CHST10: variants seen among roughly 807,000 people sequenced by gnomAD.
The protein encoded by CHST10 is carbohydrate sulfotransferase 10.
In CHST10, 24 loss-of-function variants were observed where a neutral mutation model predicts 34.7. The observed-to-expected ratio is 0.69, with a 90% CI of 0.50 to 0.97. CHST10 has a LOEUF of 0.97. Ranked by LOEUF, CHST10 falls within the 50% of genes least tolerant of loss-of-function variation. The probability of loss-of-function intolerance (pLI) is 0.00; values close to 1 mark genes in which losing one functional copy is unlikely to be tolerated. For missense variants in CHST10, 402 were observed against 452.1 expected, an observed-to-expected ratio of 0.89 and a Z score of 1.00; for synonymous variants, 161 against 169.3, an observed-to-expected ratio of 0.95 and a Z score of 0.38.
chr2:100,397,533 G>A (rs1306852548), intron 5 of CHST10, among the ~76,000 whole-genome samples: 2 of 152,214 alleles, frequency 1.3e-5, no homozygotes, highest in African/African-American at 2.4e-5. Context: ...GCTTCCTGGT[G>A]GCTCTGCGAG....
At chr2:100,412,105 A>C (rs1301222184) in intron 2 of CHST10, among the ~76,000 whole-genome samples, 1 of 152,178 alleles carries the variant, frequency 6.6e-6, no homozygotes, top group Admixed American at 6.6e-5. Flanking sequence ...TTAAATTTTG[A>C]AACAGTTTCT....
chr2:100,417,510 C>T lies in CHST10; in HGVS notation c.-240G>A, dbSNP rs1371581851. On this transcript the variant is annotated 5_prime_UTR_variant, in exon 1 of 7. Transcript: ENST00000264249. ...CTCGGGAGGCCCGCCCCACCTTGCCCCGAGGCCTCCGCGCCGCGGCCCGTC... is the reference window on the plus strand; with the variant it reads ...CTCGGGAGGCCCGCCCCACCTTGCCTCGAGGCCTCCGCGCCGCGGCCCGTC... The T allele has an allele frequency of 6.6e-6, 1 of 152,094 alleles. No individual in the cohort carries two copies. Among genetic ancestry groups the T allele is most frequent in the Non-Finnish European group, 1.5e-5 (1 of 68,086 alleles). The allele number at this position is 152,094 out of a possible 1,614,324, so 9.4% of individuals were successfully genotyped here. A position where few individuals can be genotyped will look rare whatever the true frequency, so the allele number is the denominator to read the frequency against.
Position 100,393,063 on chromosome 2 carries a change from C to T in CHST10, c.*182G>A, listed in dbSNP as rs1373108195. 1.6e-6 allele frequency: 1 copy of T among 640,030 alleles called. No individual in the cohort carries two copies. The highest frequency in any genetic ancestry group is 1.8e-5 in the African/African-American group (1 of 54,510). 39.6% of individuals were successfully genotyped at this position (640,030 alleles called of 1,614,324 possible). ...GCAGGGTCCTCAGAGCATCTTACATCCAAACTAAGTTGTAACAGTTGGGGT... is the reference window on the plus strand; with the variant it reads ...GCAGGGTCCTCAGAGCATCTTACATTCAAACTAAGTTGTAACAGTTGGGGT... On this transcript the variant is annotated 3_prime_UTR_variant, in exon 7 of 7. Coordinates refer to ENST00000264249, the MANE Select transcript of CHST10 (RefSeq NM_004854.5).
chr2:100,406,598 C>T lies in CHST10; in HGVS notation c.78G>A (p.Thr26=), dbSNP rs202231564. 8.7e-6 allele frequency: 14 copies of T among 1,614,068 alleles called. No individual in the cohort carries two copies. The highest frequency in any genetic ancestry group is 1.6e-4 in the Middle Eastern group (1 of 6,084). Reference sequence around the variant, plus strand: ...TACCATCTGGGTCTTTAAAGGTCAACGTGATGAACTTGCTAGCCACCATGA... The same window carrying T: ...TACCATCTGGGTCTTTAAAGGTCAATGTGATGAACTTGCTAGCCACCATGA... ...FMFMVASKFI[T]LTFKDPDVYS... is the part of the protein sequence containing the mutation. Residue 26 remains threonine, a synonymous_variant, in exon 3 of 7, where the codon ACG becomes ACA. Coordinates refer to ENST00000264249, the MANE Select transcript of CHST10 (RefSeq NM_004854.5).
chr2:100,399,466 A>AT (rs1228964568), intron 4 of CHST10, among the ~76,000 whole-genome samples: 3 of 152,326 alleles, frequency 2.0e-5, no homozygotes, highest in African/African-American at 7.2e-5. Context: ...ATCCTTCCAA[A>AT]TAATTGTATT....
At chr2:100,394,062 T>C (rs890029923) in intron 6 of CHST10, among the ~76,000 whole-genome samples, 2 of 152,220 alleles carry the variant, frequency 1.3e-5, no homozygotes, top group Non-Finnish European at 2.9e-5. Context: ...AAGACATCTA[T>C]TTAATCTACC....
At chr2:100,396,914 T>C (rs902603814) in intron 5 of CHST10, among the ~76,000 whole-genome samples, 1 of 152,208 alleles carries the variant, frequency 6.6e-6, no homozygotes, top group Non-Finnish European at 1.5e-5. Flanking sequence ...ATTCTGCTTC[T>C]GAAAACCCAA....
At chr2:100,398,583 A>AGC (rs1675184993) in intron 4 of CHST10, among the ~76,000 whole-genome samples, 1 of 152,136 alleles carries the variant, frequency 6.6e-6, no homozygotes, top group South Asian at 2.1e-4. Flanking sequence ...GCACACCTGT[A>AGC]ATCCCAGCTA....
At chr2:100,409,967 C>T (rs373009078) in intron 2 of CHST10, among the ~76,000 whole-genome samples, 44 of 152,078 alleles carry the variant, frequency 2.9e-4, no homozygotes, top group African/African-American at 1.0e-3. Context: ...TTCTTGTCCC[C>T]GGGATGGTAC....
intron 3 of CHST10, among the ~76,000 whole-genome samples, chr2:100,405,160 T>C (rs1184710204): frequency 1.3e-5 from 2 of 152,224 alleles, no homozygotes; most frequent in Admixed American, 1.3e-4. Context: ...GAGATCATCG[T>C]GTCACATTCC....
chr2:100,415,401 T>C (rs1188311296), intron 1 of CHST10, among the ~76,000 whole-genome samples: 1 of 152,230 alleles, frequency 6.6e-6, no homozygotes, highest in Non-Finnish European at 1.5e-5. Context: ...TATGCCTGTT[T>C]CGTATGTTTG....
chr2:100,406,526 C>T (rs753423604), intron 3 of CHST10, 50 bp downstream of exon 3: 2 of 1,606,394 alleles, frequency 1.2e-6, no homozygotes, highest in South Asian at 1.1e-5. Context: ...AACAGTGTTG[C>T]AGCTAGGTCT....
chr2:100,394,679 G>A (rs1435057118), intron 6 of CHST10, among the ~76,000 whole-genome samples: 2 of 151,774 alleles, frequency 1.3e-5, no homozygotes, highest in Non-Finnish European at 2.9e-5. Context: ...CCACCTGAGA[G>A]CTACTACATG....
rs13385800 is a variant in CHST10, at chr2:100,417,547, T to C, written c.-277A>G. The C allele has an allele frequency of 6.6e-6, 1 of 151,814 alleles. No homozygotes were observed. The highest frequency in any genetic ancestry group is 1.5e-5 in the Non-Finnish European group (1 of 67,958). The allele number at this position is 151,814 out of a possible 1,614,324, so 9.4% of individuals were successfully genotyped here. On this transcript the variant is annotated 5_prime_UTR_variant, in exon 1 of 7. Transcript: ENST00000264249. ...CGCCGCGGCCCGTCGGGTCCCGGGA[T>C]GTGGCGGCGGCGGCAGCGGAAGTAA...
chr2:100,417,069 A>C (rs1291015662), intron 1 of CHST10: 1 of 1,303,552 alleles, frequency 7.7e-7, no homozygotes, highest in Non-Finnish European at 1.0e-6. Context: ...TCCTCTCTCC[A>C]TCTACAATTA....
intron 3 of CHST10, 109 bp downstream of exon 3, chr2:100,406,467 T>G (rs1675577852): frequency 1.4e-6 from 2 of 1,385,400 alleles, no homozygotes; most frequent in Non-Finnish European, 2.0e-6. Flanking sequence ...CCTGCTGGCA[T>G]GAAAGTCCTT....
rs1403570058 is a variant in CHST10, at chr2:100,405,873, A to G, written c.100+703T>C. On this transcript the variant is annotated intron_variant, in intron 3 of 6. Coordinates refer to ENST00000264249, the MANE Select transcript of CHST10 (RefSeq NM_004854.5). ...GAGCATATCACACACCTCTTTGGAC[A>G]TATCCAGCACTCCACAGACCACAGA... Among the ~76,000 whole-genome samples the G allele has an allele frequency of 2.0e-5, 3 of 152,262 alleles. No individual in the cohort carries two copies. The East Asian group carries it at 5.8e-4, about 30-fold the overall frequency.
At chr2:100,411,248 C>T (rs1191313528) in intron 2 of CHST10, among the ~76,000 whole-genome samples, 1 of 151,640 alleles carries the variant, frequency 6.6e-6, no homozygotes, top group Admixed American at 6.6e-5. Flanking sequence ...TCCTGAGTGG[C>T]TGTGATTACA....
rs530808037 is a variant in CHST10 at position 100,392,907 on chromosome 2, C to T, written c.*338G>A. On this transcript the variant is annotated 3_prime_UTR_variant, in exon 7 of 7. Coordinates refer to ENST00000264249, the MANE Select transcript of CHST10 (RefSeq NM_004854.5). ...TCAGGGGCATCCCCTTCCTTAACAC[C>T]TGAAGGAAACGGCTCCTAACGCTGT... 3.6e-6 allele frequency: 1 copy of T among 277,402 alleles called. No individual in the cohort carries two copies. Among genetic ancestry groups the T allele is most frequent in the African/African-American group, 2.1e-5 (1 of 46,530 alleles). 17.2% of individuals were successfully genotyped at this position (277,402 alleles called of 1,614,324 possible).
Sources: allele counts gnomAD v4.1 joint callset (sites outside exome capture counted in the v4.1 genomes callset), GRCh38; gene constraint gnomAD v4.1.1; transcripts MANE v1.5; gene names NCBI Gene and HGNC (gene_info 2026-07-23, HGNC 2026-07-21).